The following DMXL2 variants were observed in gnomAD, a reference collection of about 807,000 sequenced individuals.
DMXL2 encodes the protein dmX-like protein 2.
A neutral mutation model predicts 331.1 loss-of-function variants in DMXL2; 103 were observed. The observed-to-expected ratio is 0.31, with a 90% CI of 0.27 to 0.37. The LOEUF is 0.37. DMXL2 is among the 10% of genes least tolerant of loss of function. The pLI, the probability that DMXL2 is intolerant of heterozygous loss-of-function variation, is 1.00. For synonymous variants in DMXL2, 1,281 were observed against 1,252.1 expected (o/e 1.02, Z -0.49); for missense variants, 3,171 against 3,642.9 (o/e 0.87, Z 3.33).
At chr15:51,604,414 G>T (rs1157209969) in intron 1 of DMXL2, among the ~76,000 whole-genome samples, 1 of 142,482 alleles carries the variant, frequency 7.0e-6, no homozygotes. Context: ...AAAAAAAAAA[G>T]AAGCCTAGTG....
chr15:51,508,152 G>A (rs191950441), intron 15 of DMXL2, among the ~76,000 whole-genome samples: 1 of 152,076 alleles, frequency 6.6e-6, no homozygotes, highest in Non-Finnish European at 1.5e-5. Flanking sequence ...ACAGGGAGGG[G>A]AACATAACAC....
intron 9 of DMXL2, among the ~76,000 whole-genome samples, chr15:51,538,828 A>G (rs1449569458): frequency 3.3e-5 from 5 of 152,210 alleles, no homozygotes; most frequent in African/African-American, 1.2e-4. Flanking sequence ...GTATGATGAT[A>G]TTATGATTAT....
intron 1 of DMXL2, among the ~76,000 whole-genome samples, chr15:51,605,786 A>G (rs182242319): frequency 4.9e-5 from 2 of 40,610 alleles, no homozygotes; most frequent in African/African-American, 7.0e-5. Flanking sequence ...CTCATGATCC[A>G]CCCGCCTCGG....
chr15:51,503,182 A>G (rs1472462131), intron 16 of DMXL2, 149 bp from the exon 17 acceptor site: 1 of 630,446 alleles, frequency 1.6e-6, no homozygotes, highest in Non-Finnish European at 2.7e-6. Flanking sequence ...CTCTTTTTAA[A>G]ACAGAATGAC....
chr15:51,519,019 A>G (rs2047193345), intron 13 of DMXL2, among the ~76,000 whole-genome samples: 3 of 152,238 alleles, frequency 2.0e-5, no homozygotes, highest in Non-Finnish European at 4.4e-5. Flanking sequence ...ATCAAAATTA[A>G]TGTAAACAAT....
chr15:51,579,436 C>T (rs1457139910), intron 1 of DMXL2, among the ~76,000 whole-genome samples: 3 of 152,088 alleles, frequency 2.0e-5, no homozygotes, highest in African/African-American at 7.2e-5. Context: ...ATTGAGGGCC[C>T]ATGAGATTTT....
Position 51,576,183 on chromosome 15 carries a change from TAAAA to T in DMXL2, c.88-6_88-3del, listed in dbSNP as rs3078066. 1,001 of 625,498 alleles carry T rather than the reference TAAAA, an allele frequency of 1.6e-3. 6 individuals carry two copies. Among genetic ancestry groups the T allele is most frequent in the African/African-American group, 4.0e-3 (108 of 27,234 alleles). The allele number at this position is 625,498 out of a possible 1,614,324, so 38.7% of individuals were successfully genotyped here. ...AATATCACAGCCTGATCCATATGCC[TAAAA>T]AAAAAAAAAAAAAAAAGTTTTACAA... On this transcript the variant is annotated splice_region_variant and splice_polypyrimidine_tract_variant and intron_variant, in intron 1 of 43. Coordinates refer to ENST00000560891, the MANE Select transcript of DMXL2 (RefSeq NM_001378457.1).
chr15:51,455,955 C>A lies in DMXL2; in HGVS notation c.8526+111G>T, dbSNP rs1470671433. On this transcript the variant is annotated intron_variant, in intron 39 of 43. Coordinates refer to ENST00000560891, the MANE Select transcript of DMXL2 (RefSeq NM_001378457.1). ...AATAGACTCCAACAAACTGTCTACT[C>A]AGTTTAAATCCAGGGTCACTGAATT... 2.3e-6 allele frequency: 3 copies of A among 1,284,438 alleles called. No homozygotes were observed. In the Admixed American group the frequency reaches 5.8e-5, roughly 25 times the overall value. The allele number at this position is 1,284,438 out of a possible 1,614,324, so 79.6% of individuals were successfully genotyped here.
At chr15:51,577,459 A>C (rs1018465554) in intron 1 of DMXL2, among the ~76,000 whole-genome samples, 13 of 152,218 alleles carry the variant, frequency 8.5e-5, no homozygotes, top group African/African-American at 2.9e-4. Context: ...AAGTTCACCA[A>C]AAGAAAAGCA....
intron 27 of DMXL2, 79 bp downstream of exon 27, chr15:51,476,510 G>A: frequency 6.7e-7 from 1 of 1,503,224 alleles, no homozygotes; most frequent in Non-Finnish European, 9.0e-7. Flanking sequence ...CCAGCAACAA[G>A]CAGGAAACTG....
intron 27 of DMXL2, among the ~76,000 whole-genome samples, chr15:51,475,850 T>C (rs1024875825): frequency 4.6e-5 from 7 of 152,130 alleles, no homozygotes; most frequent in Non-Finnish European, 7.4e-5. Flanking sequence ...CAACTTACTC[T>C]CAAATTTTTC....
chr15:51,535,646 G>C lies in DMXL2; in HGVS notation c.2436+17C>G. ...TTATCTCCTTAGATAAATTAATAAAGATTATTAAATACTTACTGAAGATTC... is the reference window on the plus strand; with the variant it reads ...TTATCTCCTTAGATAAATTAATAAACATTATTAAATACTTACTGAAGATTC... On this transcript the variant is annotated intron_variant, in intron 13 of 43. Coordinates refer to ENST00000560891, the MANE Select transcript of DMXL2 (RefSeq NM_001378457.1). 1 of 1,569,216 alleles carries C rather than the reference G, an allele frequency of 6.4e-7. No individual in the cohort carries two copies. The highest frequency in any genetic ancestry group is 8.6e-7 in the Non-Finnish European group (1 of 1,160,264).
At chr15:51,607,725 A>T (rs1016571924) in intron 1 of DMXL2, among the ~76,000 whole-genome samples, 1 of 152,204 alleles carries the variant, frequency 6.6e-6, no homozygotes, top group East Asian at 1.9e-4. Context: ...CTCAAAGGCA[A>T]CTAAGAGAAA....
chr15:51,458,679 T>A, intron 35 of DMXL2, 30 bp downstream of exon 35: 1 of 1,613,748 alleles, frequency 6.2e-7, no homozygotes, highest in Non-Finnish European at 8.5e-7. Context: ...TAAGGAGAAA[T>A]ACACTGTGTA....
intron 13 of DMXL2, among the ~76,000 whole-genome samples, chr15:51,520,468 G>C (rs1357282872): frequency 6.6e-6 from 1 of 152,140 alleles, no homozygotes; most frequent in African/African-American, 2.4e-5. Flanking sequence ...TTTTGGTGTT[G>C]AGTAAGACCC....
chr15:51,532,528 G>C (rs2048061920), intron 13 of DMXL2, among the ~76,000 whole-genome samples: 1 of 152,158 alleles, frequency 6.6e-6, no homozygotes, highest in Non-Finnish European at 1.5e-5. Context: ...CTAGAAGAGT[G>C]TAATTAGATC....
Position 51,588,663 on chromosome 15 carries a change from G to A in DMXL2, c.88-12482C>T, listed in dbSNP as rs538138438. ...TGTTGATATTTTGAGGGAAATAGTCGTAACAGTGTCCCAAAAACTTTGCTC... is the reference window on the plus strand; with the variant it reads ...TGTTGATATTTTGAGGGAAATAGTCATAACAGTGTCCCAAAAACTTTGCTC... On this transcript the variant is annotated intron_variant, in intron 1 of 43. Transcript: ENST00000560891. Among the ~76,000 whole-genome samples, 22 of 152,168 alleles carry A rather than the reference G, an allele frequency of 1.4e-4. No individual in the cohort carries two copies. In the East Asian group the frequency reaches 1.5e-3, roughly 11 times the overall value.
At chr15:51,488,791 G>A in intron 20 of DMXL2, 146 bp from the exon 21 acceptor site, 1 of 607,346 alleles carries the variant, frequency 1.6e-6, no homozygotes, top group South Asian at 2.2e-5. Context: ...TCTCCAGTAG[G>A]TTATAATATT....
chr15:51,502,140 G>C (rs1436937982), intron 17 of DMXL2, among the ~76,000 whole-genome samples: 2 of 150,310 alleles, frequency 1.3e-5, no homozygotes, highest in African/African-American at 4.9e-5. Context: ...GCTGAGGCAG[G>C]AGAATGGGTG....
Sources: allele counts gnomAD v4.1 joint callset (sites outside exome capture counted in the v4.1 genomes callset), GRCh38; gene constraint gnomAD v4.1.1; transcripts MANE v1.5; gene names NCBI Gene and HGNC (gene_info 2026-07-23, HGNC 2026-07-21).